Variants in NDUFS4 observed in about 807,000 individuals in gnomAD.
NDUFS4 encodes NADH:ubiquinone oxidoreductase subunit S4, also known as NADH dehydrogenase [ubiquinone] iron-sulfur protein 4, mitochondrial.
In NDUFS4, 28 loss-of-function variants were observed where a neutral mutation model predicts 24.3. The ratio of observed to expected loss-of-function variants is 1.15; its 90% CI spans 0.85 to 1.58. NDUFS4 has a LOEUF of 1.58. Ranked by LOEUF, NDUFS4 falls within the 40% of genes most tolerant of loss-of-function variation. The pLI is 0.00. For synonymous variants in NDUFS4, 93 were observed against 69.7 expected, an observed-to-expected ratio of 1.34 and a Z score of -1.67; for missense variants, 223 against 207.9, an observed-to-expected ratio of 1.07 and a Z score of -0.45.
intron 2 of NDUFS4, among the ~76,000 whole-genome samples, chr5:53,610,793 C>A (rs764999680): frequency 2.6e-5 from 4 of 152,144 alleles, no homozygotes; most frequent in Non-Finnish European, 5.9e-5. Context: ...TGATTGCCAT[C>A]CAGTTTGAAT....
chr5:53,598,554 AAAAATAAAATATAAAG>A (rs2112451145), intron 1 of NDUFS4, among the ~76,000 whole-genome samples: 1 of 152,308 alleles, frequency 6.6e-6, no homozygotes, highest in Non-Finnish European at 1.5e-5. Flanking sequence ...TATGTTTTCA[AAAAATAAAATATAAAG>A]GCAGAGGAGT....
intron 4 of NDUFS4, among the ~76,000 whole-genome samples, chr5:53,666,801 G>T (rs1202257028): frequency 6.6e-6 from 1 of 152,042 alleles, no homozygotes; most frequent in East Asian, 1.9e-4. Flanking sequence ...GGATGTGGTG[G>T]TGCGCACCTG....
chr5:53,609,499 C>T (rs1167735582), intron 2 of NDUFS4, among the ~76,000 whole-genome samples: 1 of 152,154 alleles, frequency 6.6e-6, no homozygotes, highest in Non-Finnish European at 1.5e-5. Flanking sequence ...ATTTATAGAG[C>T]AGAGGCAGAA....
At chr5:53,604,579 T>C (rs1750437640) in intron 2 of NDUFS4, 9 of 364,876 alleles carry the variant, frequency 2.5e-5, no homozygotes, top group South Asian at 1.9e-4. Context: ...TAATTTTCCT[T>C]AGGATGCCAA....
intron 4 of NDUFS4, among the ~76,000 whole-genome samples, chr5:53,670,823 G>A (rs1021831356): frequency 2.0e-5 from 3 of 151,294 alleles, no homozygotes; most frequent in South Asian, 2.1e-4. Context: ...ATAATAAAGA[G>A]ATACTGTAGG....
chr5:53,598,076 C>T (rs766957272), intron 1 of NDUFS4, among the ~76,000 whole-genome samples: 3 of 152,146 alleles, frequency 2.0e-5, no homozygotes, highest in Admixed American at 2.0e-4. Flanking sequence ...CCTGTTAGAA[C>T]GACTGCAATC....
chr5:53,657,341 G>T (rs542338651), intron 3 of NDUFS4, among the ~76,000 whole-genome samples: 1 of 152,216 alleles, frequency 6.6e-6, no homozygotes, highest in South Asian at 2.1e-4. Flanking sequence ...GGGTAGGGGT[G>T]GGTTATGATA....
chr5:53,569,605 G>T (rs1021832000), intron 1 of NDUFS4, among the ~76,000 whole-genome samples: 11 of 152,092 alleles, frequency 7.2e-5, no homozygotes, highest in African/African-American at 2.7e-4. Flanking sequence ...GTGACTTTCT[G>T]ATAACCCCAG....
chr5:53,674,509 G>GTCTT (rs1740393746), intron 4 of NDUFS4, among the ~76,000 whole-genome samples: 1 of 152,026 alleles, frequency 6.6e-6, no homozygotes, highest in African/African-American at 2.4e-5. Context: ...TTAGTATTCT[G>GTCTT]TCTTACTTAG....
intron 1 of NDUFS4, 49 bp from the exon 2 acceptor site, chr5:53,603,403 C>G (rs762760498): frequency 4.6e-5 from 58 of 1,252,472 alleles, no homozygotes; most frequent in Admixed American, 1.2e-4. Context: ...TTGTCTGTCT[C>G]TCCTCTCATT....
chr5:53,597,368 G>A (rs1750163700), intron 1 of NDUFS4, among the ~76,000 whole-genome samples: 1 of 152,156 alleles, frequency 6.6e-6, no homozygotes, highest in Admixed American at 6.6e-5. Context: ...ACAGAGCTCC[G>A]ATTTTAGGAG....
chr5:53,622,758 A>T (rs1442238665), intron 2 of NDUFS4, among the ~76,000 whole-genome samples: 1 of 152,212 alleles, frequency 6.6e-6, no homozygotes, highest in South Asian at 2.1e-4. Flanking sequence ...CACAAAGTTT[A>T]CCATTTTTAA....
In NDUFS4 at chr5:53,603,351, T is replaced by TTTTA. The variant is rs34241409; in HGVS notation, c.99-101_99-100insTTTA. ...CTTTCCTTTCCTTTTTTTTTTTTTT[T>TTTTA]AATAAGACAGATATTGTTAAAGTAG... On this transcript the variant is annotated intron_variant, in intron 1 of 4. Coordinates refer to ENST00000296684, the MANE Select transcript of NDUFS4 (RefSeq NM_002495.4). The TTTTA allele has an allele frequency of 3.8e-6, 3 of 789,092 alleles. No homozygotes were observed. In the African/African-American group the frequency reaches 5.3e-5, roughly 14 times the overall value. The allele number at this position is 789,092 out of a possible 1,614,324, so 48.9% of individuals were successfully genotyped here.
chr5:53,591,784 T>G (rs947892798), intron 1 of NDUFS4, among the ~76,000 whole-genome samples: 4 of 152,236 alleles, frequency 2.6e-5, no homozygotes, highest in African/African-American at 9.6e-5. Flanking sequence ...TGTGTAGCAC[T>G]GTCATTTTAA....
rs79505205 is a variant in NDUFS4 at position 53,564,159 on chromosome 5, C to T, written c.98+3399C>T. Reference sequence around the variant, plus strand: ...CTTTATTCTGTTGCTGTGTTTGGTTCTTCAGCATTATATAAGCTAGCATGA... The same window carrying T: ...CTTTATTCTGTTGCTGTGTTTGGTTTTTCAGCATTATATAAGCTAGCATGA... On this transcript the variant is annotated intron_variant, in intron 1 of 4. Transcript: ENST00000296684. 6.4e-4 allele frequency among the ~76,000 whole-genome samples: 98 copies of T among 152,230 alleles called. No individual in the cohort carries two copies. In the East Asian group the frequency reaches 0.018, roughly 28 times the overall value.
At chr5:53,565,835 A>G (rs1470797537) in intron 1 of NDUFS4, among the ~76,000 whole-genome samples, 1 of 152,216 alleles carries the variant, frequency 6.6e-6, no homozygotes, top group East Asian at 1.9e-4. Flanking sequence ...CCCTTGGAAC[A>G]TGAGAACTTT....
intron 2 of NDUFS4, among the ~76,000 whole-genome samples, chr5:53,627,097 A>G (rs1751252889): frequency 1.3e-5 from 2 of 152,200 alleles, no homozygotes; most frequent in Non-Finnish European, 2.9e-5. Context: ...AGCTTTCTAC[A>G]TATGGCTAGC....
chr5:53,617,683 C>CT (rs1156614162), intron 2 of NDUFS4, among the ~76,000 whole-genome samples: 6 of 152,248 alleles, frequency 3.9e-5, no homozygotes, highest in East Asian at 3.9e-4. Context: ...CCTCTAAGCA[C>CT]TTTTTTAAAA....
At chr5:53,639,940 A>G (rs1751664674) in intron 2 of NDUFS4, among the ~76,000 whole-genome samples, 1 of 152,082 alleles carries the variant, frequency 6.6e-6, no homozygotes, top group Non-Finnish European at 1.5e-5. Context: ...TTTATAACAT[A>G]TTTGCCTATT....
Sources: allele counts gnomAD v4.1 joint callset (sites outside exome capture counted in the v4.1 genomes callset), GRCh38; gene constraint gnomAD v4.1.1; transcripts MANE v1.5; gene names NCBI Gene and HGNC (gene_info 2026-07-23, HGNC 2026-07-21).